The following HECW1 variants were observed in gnomAD, a reference collection of about 807,000 sequenced individuals.
HECW1 encodes E3 ubiquitin-protein ligase HECW1.
HECW1 carries 61 observed loss-of-function variants against 182.3 expected under a neutral mutation model. That is an observed-to-expected ratio of 0.33 (90% CI 0.27 to 0.41). The LOEUF (loss-of-function observed/expected upper bound fraction) is 0.41, where lower values mean the gene tolerates loss of function less well. Ranked by LOEUF, HECW1 falls within the 10% of genes least tolerant of loss-of-function variation. HECW1 has a pLI of 1.00. For missense variants in HECW1, 1,739 were observed against 2,108.9 expected, an observed-to-expected ratio of 0.82 and a Z score of 3.44; for synonymous variants, 859 against 832.6, an observed-to-expected ratio of 1.03 and a Z score of -0.55.
chr7:43,302,138 G>A (rs1270107535), intron 3 of HECW1, among the ~76,000 whole-genome samples: 1 of 152,094 alleles, frequency 6.6e-6, no homozygotes, highest in Non-Finnish European at 1.5e-5. Flanking sequence ...TCACCTAATA[G>A]CAGGCAAATG....
intron 17 of HECW1, among the ~76,000 whole-genome samples, chr7:43,483,684 G>C (rs1283649861): frequency 6.6e-6 from 1 of 151,520 alleles, no homozygotes; most frequent in East Asian, 1.9e-4. Context: ...AAGTAGTTGG[G>C]ATTACAGGCG....
chr7:43,276,295 G>C (rs747779721), intron 3 of HECW1, among the ~76,000 whole-genome samples: 3 of 152,146 alleles, frequency 2.0e-5, no homozygotes, highest in Non-Finnish European at 2.9e-5. Context: ...AGACTCATAA[G>C]CTCTTTGTGT....
Position 43,407,750 on chromosome 7 carries a change from GA to G in HECW1, c.801+26del, listed in dbSNP as rs756505360. Reference sequence around the variant, plus strand: ...GGCCGAGGTGAGTGCTGTGGGCCCTGAAAAAAAGCCCAAGTAAAAGTGAAAG... The same window carrying G: ...GGCCGAGGTGAGTGCTGTGGGCCCTGAAAAAAGCCCAAGTAAAAGTGAAAG... On this transcript the variant is annotated intron_variant, in intron 8 of 29. Transcript: ENST00000395891. 4 of 1,584,782 alleles carry G rather than the reference GA, an allele frequency of 2.5e-6. No homozygotes were observed. Among genetic ancestry groups the G allele is most frequent in the Admixed American group, 1.8e-5 (1 of 54,498 alleles).
chr7:43,185,917 A>G (rs6965061), intron 2 of HECW1, among the ~76,000 whole-genome samples: 36,669 of 152,050 alleles, frequency 0.24, 4,620 homozygotes, highest in Middle Eastern at 0.27. Flanking sequence ...AAATTTAACA[A>G]TCTTCTCTCA....
chr7:43,203,089 C>T (rs535785130), intron 2 of HECW1, among the ~76,000 whole-genome samples: 8 of 152,272 alleles, frequency 5.3e-5, no homozygotes, highest in African/African-American at 9.6e-5. Context: ...TTCACACGGA[C>T]GCGCGTGACA....
chr7:43,366,807 A>G (rs1350435874), intron 6 of HECW1, among the ~76,000 whole-genome samples: 2 of 152,206 alleles, frequency 1.3e-5, no homozygotes. Context: ...AGGAGTATCC[A>G]AAAACTAATG....
At chr7:43,153,908 G>A (rs1440869255) in intron 2 of HECW1, among the ~76,000 whole-genome samples, 1 of 151,986 alleles carries the variant, frequency 6.6e-6, no homozygotes, top group South Asian at 2.1e-4. Flanking sequence ...TATGCTTTTT[G>A]TTGATGAGAT....
chr7:43,136,856 A>C (rs1787595199), intron 2 of HECW1, among the ~76,000 whole-genome samples: 1 of 152,182 alleles, frequency 6.6e-6, no homozygotes. Context: ...GGCCGACTCT[A>C]GCCCAGGATG....
At chr7:43,173,733 A>T (rs897965099) in intron 2 of HECW1, among the ~76,000 whole-genome samples, 7 of 152,186 alleles carry the variant, frequency 4.6e-5, no homozygotes, top group African/African-American at 1.7e-4. Flanking sequence ...CCCAGTTCCA[A>T]ACAGGCCAAG....
At chr7:43,186,301 AGT>A (rs1425597098) in intron 2 of HECW1, among the ~76,000 whole-genome samples, 3 of 152,240 alleles carry the variant, frequency 2.0e-5, no homozygotes, top group African/African-American at 7.2e-5. Flanking sequence ...TAAAGTAACT[AGT>A]ACACACCTAC....
intron 6 of HECW1, among the ~76,000 whole-genome samples, chr7:43,393,889 T>C (rs570218248): frequency 1.1e-4 from 17 of 152,352 alleles, no homozygotes; most frequent in African/African-American, 4.1e-4. Context: ...TTTAATCCTA[T>C]ACTTTTAAAA....
At chr7:43,537,166 C>T (rs1234843120) in intron 24 of HECW1, among the ~76,000 whole-genome samples, 1 of 152,208 alleles carries the variant, frequency 6.6e-6, no homozygotes, top group Admixed American at 6.5e-5. Context: ...GCCCTGCAAG[C>T]TCACACACAC....
chr7:43,244,588 G>T (rs1562725306), intron 3 of HECW1, among the ~76,000 whole-genome samples: 1 of 152,214 alleles, frequency 6.6e-6, no homozygotes, highest in Admixed American at 6.5e-5. Context: ...CTCCTGAGAG[G>T]TAGGTATGAT....
Position 43,561,911 on chromosome 7 carries a change from C to T in HECW1, c.4806C>T (p.Thr1602=). The T allele has an allele frequency of 6.2e-7, 1 of 1,608,460 alleles. No individual in the cohort carries two copies. Among genetic ancestry groups the T allele is most frequent in the East Asian group, 2.2e-5 (1 of 44,844 alleles). The part of the protein sequence containing the change: ...KLLTAVEETS[T]FGLE ...TAACAGCAGTAGAGGAAACCAGCACCTTTGGACTTGAGTGAGGACATGGAA... is the reference window on the plus strand; with the variant it reads ...TAACAGCAGTAGAGGAAACCAGCACTTTTGGACTTGAGTGAGGACATGGAA... The change falls in exon 30 of 30, where the codon ACC becomes ACT. Residue 1602 remains threonine (T), a synonymous_variant. Transcript: ENST00000395891.
chr7:43,495,461 T>C (rs1239378157), intron 19 of HECW1, among the ~76,000 whole-genome samples: 1 of 152,194 alleles, frequency 6.6e-6, no homozygotes, highest in Non-Finnish European at 1.5e-5. Context: ...CTCGAAGATA[T>C]TTTTAGATCT....
At chr7:43,331,453 C>T (rs1248698042) in intron 5 of HECW1, among the ~76,000 whole-genome samples, 1 of 151,794 alleles carries the variant, frequency 6.6e-6, no homozygotes, top group Non-Finnish European at 1.5e-5. Flanking sequence ...ATTAGCCGGA[C>T]GTGGTGGTGG....
rs140718381 is a variant in HECW1, at chr7:43,465,710, G to C, written c.2792-737G>C. ...TCTGCAAACAATCTATCACAGCTGT[G>C]GTTAGCAACTTGTGAAGGAAATAAG... On this transcript the variant is annotated intron_variant, in intron 14 of 29. Coordinates refer to ENST00000395891, the MANE Select transcript of HECW1 (RefSeq NM_015052.5). 3.8e-3 allele frequency among the ~76,000 whole-genome samples: 572 copies of C among 152,164 alleles called. 2 individuals are homozygous for C. Among genetic ancestry groups the C allele is most frequent in the African/African-American group, 0.013 (539 of 41,514 alleles).
intron 29 of HECW1, among the ~76,000 whole-genome samples, chr7:43,561,383 T>G (rs2082203175): frequency 6.6e-6 from 1 of 152,212 alleles, no homozygotes; most frequent in Non-Finnish European, 1.5e-5. Context: ...CCAGGCCATC[T>G]CAGGTTCCTC....
chr7:43,416,761 C>T (rs1473126461), intron 8 of HECW1, among the ~76,000 whole-genome samples: 4 of 145,064 alleles, frequency 2.8e-5, no homozygotes, highest in East Asian at 2.0e-4. Flanking sequence ...GTCTGAAAAG[C>T]GTAATATTCG....
Sources: gnomAD v4.1 joint callset for allele counts (sites outside exome capture counted in the v4.1 genomes callset) on GRCh38, gnomAD v4.1.1 for gene constraint, MANE v1.5 for transcripts, NCBI Gene and HGNC (gene_info 2026-07-23, HGNC 2026-07-21) for gene names.